Variants in CFH observed in about 807,000 individuals in gnomAD.
CFH encodes complement factor H.
Under a neutral mutation model 147.3 loss-of-function variants are expected in CFH, and 53 were observed. The observed-to-expected ratio is 0.36, with a 90% confidence interval of 0.29 to 0.45. The LOEUF (loss-of-function observed/expected upper bound fraction) is 0.45. Among genes scored for constraint, CFH ranks in the 20% least tolerant of loss-of-function variants. The pLI, the probability that CFH is intolerant of heterozygous loss-of-function variation, is 1.00. For missense variants in CFH, 1,380 were observed against 1,498.0 expected (o/e 0.92, Z 1.30); for synonymous variants, 536 against 489.4 (o/e 1.10, Z -1.26).
In CFH at chr1:196,715,741, T is replaced by C; in HGVS notation, c.1668T>C (p.Asn556=). 1 of 1,612,710 alleles carries C rather than the reference T, an allele frequency of 6.2e-7. No individual in the cohort carries two copies. Among genetic ancestry groups the C allele is most frequent in the Non-Finnish European group, 8.5e-7 (1 of 1,179,096 alleles). Residue 556 remains asparagine, a synonymous_variant, in exon 11 of 22, where the codon AAT becomes AAC. Transcript: ENST00000367429. ...CTGGTTCCATAGTGTGTGGTTACAA[T>C]GGTTGGTCTGATTTACCCATATGTT... is the stretch of plus-strand genomic sequence containing the variant. ...STTGSIVCGY[N]GWSDLPICYE... is the part of the protein sequence containing the mutation.
intron 9 of CFH, among the ~76,000 whole-genome samples, chr1:196,712,608 G>GTTATTATTA (rs371151489): frequency 1.0e-4 from 15 of 149,052 alleles, no homozygotes; most frequent in African/African-American, 3.7e-4. Context: ...CTTTTTTTGG[G>GTTATTATTA]TTATTATTAT....
At chr1:196,671,127 C>T (rs1409276972) in intron 1 of CFH, among the ~76,000 whole-genome samples, 1 of 151,878 alleles carries the variant, frequency 6.6e-6, no homozygotes, top group African/African-American at 2.4e-5. Flanking sequence ...ATTTTTGATC[C>T]AATTTTAAGA....
chr1:196,692,191 G>A (rs950471501), intron 9 of CFH, among the ~76,000 whole-genome samples: 1 of 151,910 alleles, frequency 6.6e-6, no homozygotes, highest in Non-Finnish European at 1.5e-5. Flanking sequence ...GTGCAATGTC[G>A]CGATCTCGCC....
chr1:196,717,360 T>C (rs1668895309), intron 11 of CFH, among the ~76,000 whole-genome samples: 1 of 152,164 alleles, frequency 6.6e-6, no homozygotes, highest in African/African-American at 2.4e-5. Context: ...TAAATATTTA[T>C]TGCCATAGTG....
chr1:196,701,519 A>C, intron 9 of CFH: 3 of 771,170 alleles, frequency 3.9e-6, no homozygotes, highest in Non-Finnish European at 4.1e-6. Context: ...CAGGCAGCCC[A>C]ATGGGGCTGG....
intron 6 of CFH, among the ~76,000 whole-genome samples, chr1:196,684,346 T>C (rs1667751936): frequency 6.6e-6 from 1 of 151,996 alleles, no homozygotes; most frequent in African/African-American, 2.4e-5. Flanking sequence ...CCCTCTGCTA[T>C]TTTATCCTAT....
chr1:196,669,149 C>T (rs1286793504), intron 1 of CFH, among the ~76,000 whole-genome samples: 1 of 152,116 alleles, frequency 6.6e-6, no homozygotes, highest in Admixed American at 6.5e-5. Context: ...ACATTTTGCC[C>T]CTTCCCTAGA....
At chr1:196,709,674 C>G (rs1161891754) in intron 9 of CFH, among the ~76,000 whole-genome samples, 1 of 152,068 alleles carries the variant, frequency 6.6e-6, no homozygotes, top group African/African-American at 2.4e-5. Flanking sequence ...GATTACTACC[C>G]TAGGATAAAG....
intron 9 of CFH, among the ~76,000 whole-genome samples, chr1:196,710,856 G>A (rs955551891): frequency 2.6e-5 from 4 of 151,590 alleles, no homozygotes; most frequent in South Asian, 2.1e-4. Flanking sequence ...ATCCATCAAC[G>A]AAAAATTCAA....
intron 6 of CFH, among the ~76,000 whole-genome samples, chr1:196,682,075 G>A (rs1292647316): frequency 2.0e-5 from 3 of 151,602 alleles, no homozygotes; most frequent in African/African-American, 7.3e-5. Flanking sequence ...ACATGTCAGA[G>A]GACTGATTTA....
intron 1 of CFH, among the ~76,000 whole-genome samples, chr1:196,671,786 T>G (rs1220155641): frequency 6.7e-6 from 1 of 149,882 alleles, no homozygotes; most frequent in East Asian, 1.9e-4. Flanking sequence ...AAGCCATTTA[T>G]ATATATGTTT....
At position 196,743,557 on chromosome 1, in the gene CFH, C is replaced by A; in HGVS notation, c.3239C>A (p.Pro1080His). 3.7e-6 allele frequency: 6 copies of A among 1,613,968 alleles called. No homozygotes were observed. The highest frequency in any genetic ancestry group is 4.2e-6 in the Non-Finnish European group (5 of 1,179,940). The change falls in exon 20 of 22, where the codon CCT (proline) becomes CAT (histidine). Residue 1080 changes from proline (P) to histidine (H), a missense_variant. Pro to His is a moderately conservative substitution (Grantham distance 77, BLOSUM62 -2). Around this residue, in one of 4 missense-constraint regions of CFH, gnomAD observed 830 missense variants for 821.4 expected, o/e 1.01. Transcript: ENST00000367429. ...GERVRYQCRS[P>H]YEMFGDEEVM... ...AGAGTACGTTATCAATGTAGGAGCC[C>A]TTATGAAATGTTTGGGGATGAAGAA...
At chr1:196,662,888 A>G (rs1034856434) in intron 1 of CFH, among the ~76,000 whole-genome samples, 1 of 152,138 alleles carries the variant, frequency 6.6e-6, no homozygotes, top group Non-Finnish European at 1.5e-5. Flanking sequence ...AAATAAAATA[A>G]AATAAATTTT....
intron 1 of CFH, among the ~76,000 whole-genome samples, chr1:196,653,114 A>T (rs1219070280): frequency 6.6e-6 from 1 of 151,806 alleles, no homozygotes; most frequent in East Asian, 1.9e-4. Flanking sequence ...TTAGCAAATA[A>T]TACAAATCTC....
At chr1:196,675,444 A>G (rs1157890871) in intron 3 of CFH, among the ~76,000 whole-genome samples, 1 of 152,154 alleles carries the variant, frequency 6.6e-6, no homozygotes, top group Non-Finnish European at 1.5e-5. Flanking sequence ...TATCTTTATT[A>G]TGTAGAAACC....
intron 11 of CFH, among the ~76,000 whole-genome samples, chr1:196,720,879 A>C (rs1668981894): frequency 6.6e-6 from 1 of 151,946 alleles, no homozygotes; most frequent in Non-Finnish European, 1.5e-5. Context: ...GGAAATGTCC[A>C]TTCTGTTTTC....
chr1:196,659,711 C>T (rs1238422682), intron 1 of CFH, among the ~76,000 whole-genome samples: 4 of 151,996 alleles, frequency 2.6e-5, no homozygotes, highest in African/African-American at 9.7e-5. Context: ...TAATGGTAAA[C>T]TGTCATAGCA....
rs748906940 is a variant in CFH, at chr1:196,715,550, T to A, written c.1520-43T>A. ...AATGGGAAATACTCAGATTGTTTAT[T>A]AGATGACATTAGAAATGACATTCTA... On this transcript the variant is annotated intron_variant, in intron 10 of 21. Transcript: ENST00000367429. The A allele has an allele frequency of 3.5e-6, 5 of 1,433,630 alleles. No individual in the cohort carries two copies. The South Asian group carries it at 5.7e-5, about 16-fold the overall frequency. The allele number at this position is 1,433,630 out of a possible 1,614,324, so 88.8% of individuals were successfully genotyped here.
intron 15 of CFH, among the ~76,000 whole-genome samples, chr1:196,729,156 A>G (rs1669222992): frequency 6.6e-6 from 1 of 151,972 alleles, no homozygotes; most frequent in Non-Finnish European, 1.5e-5. Flanking sequence ...CAATATTTTT[A>G]CCAATGTCTG....
Sources: allele counts gnomAD v4.1 joint callset (sites outside exome capture counted in the v4.1 genomes callset), GRCh38; gene constraint gnomAD v4.1.1; regional missense constraint gnomAD v4.1.1; transcripts MANE v1.5; gene names NCBI Gene and HGNC (gene_info 2026-07-23, HGNC 2026-07-21).